YY1AP1: variants seen among roughly 807,000 people sequenced by gnomAD.
YY1AP1 encodes YY1 associated protein 1, also known as YY1-associated protein 1.
Under a neutral mutation model 39.9 loss-of-function variants are expected in YY1AP1, and 43 were observed. The ratio of observed to expected loss-of-function variants is 1.08; its 90% confidence interval spans 0.84 to 1.39. The LOEUF (loss-of-function observed/expected upper bound fraction) is 1.39. YY1AP1 is among the 40% of genes most tolerant of loss of function. YY1AP1 has a pLI of 0.00. For synonymous variants in YY1AP1, 292 were observed against 331.3 expected (o/e 0.88, Z 1.29); for missense variants, 813 against 900.7 (o/e 0.90, Z 1.25).
rs767944417 is a variant in YY1AP1, at chr1:155,659,791, CCT to C, written c.2117_2118del (p.Glu706GlyfsTer34). 8.7e-6 allele frequency: 14 copies of C among 1,614,104 alleles called. No individual in the cohort carries two copies. The highest frequency in any genetic ancestry group is 1.1e-5 in the South Asian group (1 of 91,088). Reference sequence around the variant, plus strand: ...AGCGGCTCCAGAGCTTGCCTTCCCTCCTCTGTTTTCACAACGGTCCAGCGATA... The same window carrying C: ...AGCGGCTCCAGAGCTTGCCTTCCCTCCTGTTTTCACAACGGTCCAGCGATA... ...SAYRWTVVKTEEGRQALEPLP... is the reference protein window; with the variant it reads ...SAYRWTVVKTXEGRQALEPLP... On this transcript the variant is annotated frameshift_variant, in exon 11 of 11. Coordinates refer to ENST00000355499, the MANE Select transcript of YY1AP1 (RefSeq NM_139119.3). LOFTEE classifies it low-confidence loss of function (END_TRUNC).
In YY1AP1 at chr1:155,670,585, C is replaced by G. The variant is rs964599906; in HGVS notation, c.584-121G>C. On this transcript the variant is annotated intron_variant, in intron 7 of 10. Transcript: ENST00000355499. ...CTTATCTAACTTGATTCCCTCCCAT[C>G]TGCCTACCACTCCCCAAAGAGTTTC... 3 of 980,318 alleles carry G rather than the reference C, an allele frequency of 3.1e-6. No homozygotes were observed. In the African/African-American group the frequency reaches 4.9e-5, roughly 16 times the overall value. 60.7% of individuals were successfully genotyped at this position (980,318 alleles called of 1,614,324 possible).
intron 2 of YY1AP1, among the ~76,000 whole-genome samples, chr1:155,682,513 C>T (rs929866169): frequency 3.3e-5 from 5 of 152,012 alleles, no homozygotes; most frequent in Non-Finnish European, 5.9e-5. Context: ...GCACCTGCCA[C>T]AACACCTGGA....
chr1:155,673,726 T>C (rs1034270033), intron 6 of YY1AP1, among the ~76,000 whole-genome samples: 6 of 151,920 alleles, frequency 3.9e-5, no homozygotes, highest in African/African-American at 1.5e-4. Flanking sequence ...TTATTTTTTA[T>C]TTTTTTGGTA....
chr1:155,677,168 C>T (rs1369798626), intron 4 of YY1AP1, among the ~76,000 whole-genome samples: 2 of 152,170 alleles, frequency 1.3e-5, no homozygotes, highest in African/African-American at 2.4e-5. Context: ...ACTCAGGCTG[C>T]ACTGCCCTGC....
At chr1:155,674,815 G>A (rs961257338) in intron 6 of YY1AP1, 195 bp downstream of exon 6, 3 of 473,582 alleles carry the variant, frequency 6.3e-6, no homozygotes, top group Non-Finnish European at 1.1e-5. Context: ...GAAAGAGCAA[G>A]ACCCTGTCTC....
At chr1:155,660,966 G>C in intron 10 of YY1AP1, 53 bp from the exon 11 acceptor site, 1 of 1,612,420 alleles carries the variant, frequency 6.2e-7, no homozygotes, top group South Asian at 1.1e-5. Context: ...TTGGGAAAAA[G>C]AATAGGACTT....
chr1:155,659,535 C>T lies in YY1AP1; in HGVS notation c.*122G>A, dbSNP rs1329662195. 1.0e-6 allele frequency: 1 copy of T among 997,420 alleles called. No individual in the cohort carries two copies. Among genetic ancestry groups the T allele is most frequent in the Non-Finnish European group, 1.5e-6 (1 of 667,504 alleles). The allele number at this position is 997,420 out of a possible 1,614,324, so 61.8% of individuals were successfully genotyped here. The stretch of plus-strand genomic sequence containing the variant: ...CAGGCTAAAGCAAGCTGCTCAAGAG[C>T]CCCAGTTGCAAAATCTGGGGTTTAA... On this transcript the variant is annotated 3_prime_UTR_variant, in exon 11 of 11. Coordinates refer to ENST00000355499, the MANE Select transcript of YY1AP1 (RefSeq NM_139119.3).
At chr1:155,687,496 G>C (rs1468106560) in intron 2 of YY1AP1, among the ~76,000 whole-genome samples, 1 of 137,532 alleles carries the variant, frequency 7.3e-6, no homozygotes, top group Non-Finnish European at 1.5e-5. Flanking sequence ...AACTCTTACG[G>C]AAACACTTGC....
chr1:155,670,598 C>G, intron 7 of YY1AP1, 134 bp from the exon 8 acceptor site: 1 of 873,714 alleles, frequency 1.1e-6, no homozygotes, highest in Non-Finnish European at 1.7e-6. Context: ...CCTACCACTC[C>G]CCAAAGAGTT....
chr1:155,659,803 C>G lies in YY1AP1; in HGVS notation c.2107G>C (p.Val703Leu), dbSNP rs1467899588. 2 of 1,614,100 alleles carry G rather than the reference C, an allele frequency of 1.2e-6. No homozygotes were observed. ...GCTTGCCTTCCCTCCTCTGTTTTCA[C>G]AACGGTCCAGCGATAGGCACTGTTC... ...SENSAYRWTV[V>L]KTEEGRQALE... Residue 703 changes from valine (V) to leucine (L), a missense_variant, in exon 11 of 11, where the codon GTG becomes CTG. Physicochemically the swap from Val to Leu is conservative, Grantham distance 32 (BLOSUM62 1). This residue lies in a region of YY1AP1 where 586 missense variants were observed against 647.4 expected (regional missense o/e 0.91). Transcript: ENST00000355499.
intron 9 of YY1AP1, among the ~76,000 whole-genome samples, chr1:155,667,280 G>T (rs1282245273): frequency 6.6e-6 from 1 of 151,990 alleles, no homozygotes; most frequent in Non-Finnish European, 1.5e-5. Flanking sequence ...GAGGCAAGAG[G>T]ACTGCTTGAG....
intron 9 of YY1AP1, among the ~76,000 whole-genome samples, chr1:155,663,998 G>A (rs1460340265): frequency 7.3e-6 from 1 of 136,802 alleles, no homozygotes; most frequent in Non-Finnish European, 1.5e-5. Context: ...AACATAACGA[G>A]ACCATGTCTT....
Position 155,660,055 on chromosome 1 carries a change from A to G in YY1AP1, c.1855T>C (p.Ser619Pro). ...VASSVSPLIV[S>P]GNSVNLPIPS... ...ATAGGAAGATTCACAGAATTGCCAG[A>G]AACAATTAAGGGTGAGACAGAGGAG... is the stretch of plus-strand genomic sequence containing the variant. Residue 619 changes from serine to proline, a missense_variant, in exon 11 of 11, where the codon TCT becomes CCT. Transcript: ENST00000355499. The G allele has an allele frequency of 6.2e-7, 1 of 1,614,208 alleles. No individual in the cohort carries two copies. Among genetic ancestry groups the G allele is most frequent in the Non-Finnish European group, 8.5e-7 (1 of 1,180,048 alleles).
intron 9 of YY1AP1, among the ~76,000 whole-genome samples, chr1:155,666,369 C>A (rs1312181427): frequency 2.6e-5 from 4 of 152,206 alleles, no homozygotes; most frequent in African/African-American, 9.6e-5. Flanking sequence ...TATCCACCTG[C>A]CTTGGCCTCC....
intron 10 of YY1AP1, 83 bp from the exon 11 acceptor site, chr1:155,660,996 G>C: frequency 6.2e-7 from 1 of 1,604,014 alleles, no homozygotes; most frequent in Non-Finnish European, 8.5e-7. Context: ...AGGGACCTGA[G>C]ACAAGCTCAA....
chr1:155,661,594 G>C (rs1162846833), intron 9 of YY1AP1, among the ~76,000 whole-genome samples, 171 bp from the exon 10 acceptor site: 1 of 151,532 alleles, frequency 6.6e-6, no homozygotes, highest in Middle Eastern at 3.4e-3. Flanking sequence ...TATACGAATA[G>C]CATATGCTGA....
intron 6 of YY1AP1, among the ~76,000 whole-genome samples, chr1:155,674,160 C>CA (rs59337809): frequency 0.029 from 2,084 of 73,080 alleles, 121 homozygotes; most frequent in African/African-American, 0.073. Context: ...GACTCCGTCT[C>CA]AAAAAAAAAA....
rs955953653 is a variant in YY1AP1, at chr1:155,688,408, A to T, written c.-151-207T>A. 7 of 1,541,584 alleles carry T rather than the reference A, an allele frequency of 4.5e-6. No individual in the cohort carries two copies. In the African/African-American group the frequency reaches 8.3e-5, roughly 18 times the overall value. ...CGCCTAGCGACACCCCCAACCTCCCACTCCTCCCTCCTCGCGTTCTTCCCC... is the reference window on the plus strand; with the variant it reads ...CGCCTAGCGACACCCCCAACCTCCCTCTCCTCCCTCCTCGCGTTCTTCCCC... On this transcript the variant is annotated intron_variant, in intron 1 of 10. Transcript: ENST00000355499.
intron 9 of YY1AP1, among the ~76,000 whole-genome samples, chr1:155,667,006 AT>A (rs1649110847): frequency 6.6e-6 from 1 of 152,070 alleles, no homozygotes; most frequent in Admixed American, 6.5e-5. Context: ...TCTCAAAAAA[AT>A]AAAATAAAAT....
Sources: gnomAD v4.1 joint callset for allele counts (sites outside exome capture counted in the v4.1 genomes callset) on GRCh38, gnomAD v4.1.1 for gene constraint, gnomAD v4.1.1 regional missense constraint, MANE v1.5 for transcripts, NCBI Gene and HGNC (gene_info 2026-07-23, HGNC 2026-07-21) for gene names.